Variants in NR6A1 observed in about 807,000 individuals in gnomAD.
The protein encoded by NR6A1 is retinoic acid receptor-related testis-associated receptor.
Under a neutral mutation model 59.1 loss-of-function variants are expected in NR6A1, and 7 were observed. The observed-to-expected ratio is 0.12, with a 90% CI of 0.07 to 0.22. The LOEUF (loss-of-function observed/expected upper bound fraction) is 0.22. Ranked by LOEUF, NR6A1 falls within the 10% of genes least tolerant of loss-of-function variation. The pLI, the probability that NR6A1 is intolerant of heterozygous loss-of-function variation, is 1.00. For synonymous variants in NR6A1, 243 were observed against 236.1 expected (o/e 1.03, Z -0.27); for missense variants, 468 against 611.6 (o/e 0.77, Z 2.48).
At chr9:124,642,284 G>C (rs959032201) in intron 2 of NR6A1, among the ~76,000 whole-genome samples, 1 of 152,038 alleles carries the variant, frequency 6.6e-6, no homozygotes, top group South Asian at 2.1e-4. Flanking sequence ...TCCTGACCTC[G>C]GGTGATCCGC....
At position 124,627,882 on chromosome 9, in the gene NR6A1, C is replaced by CTTT. The variant is rs59874800; in HGVS notation, c.143-73315_143-73313dup. Among the ~76,000 whole-genome samples the CTTT allele has an allele frequency of 9.3e-4, 78 of 83,780 alleles. 2 individuals carry two copies. The highest frequency in any genetic ancestry group is 6.1e-3 in the South Asian group (12 of 1,952). The allele number at this position is 83,780 out of a possible 152,430, so 55.0% of individuals were successfully genotyped here. A position where few individuals can be genotyped will look rare whatever the true frequency, so the allele number is the denominator to read the frequency against. On this transcript the variant is annotated intron_variant, in intron 2 of 9. Coordinates refer to ENST00000487099, the MANE Select transcript of NR6A1 (RefSeq NM_033334.4). The stretch of plus-strand genomic sequence containing the variant: ...GCCACCATGCCTGGTCTGAGATTTT[C>CTTT]TTTTTTTTTTTTTTTTTTTTTTTTT...
intron 1 of NR6A1, among the ~76,000 whole-genome samples, chr9:124,745,540 GC>G (rs1840304341): frequency 6.6e-6 from 1 of 151,770 alleles, no homozygotes; most frequent in Non-Finnish European, 1.5e-5. Context: ...GCATGGTGGC[GC>G]ATGCCTGTAG....
intron 5 of NR6A1, among the ~76,000 whole-genome samples, chr9:124,539,473 T>C (rs1427663847): frequency 6.6e-6 from 1 of 152,224 alleles, no homozygotes; most frequent in East Asian, 1.9e-4. Flanking sequence ...ATCCATATCC[T>C]ATAAGAAAGG....
chr9:124,696,199 C>T (rs1293053262), intron 2 of NR6A1, among the ~76,000 whole-genome samples: 2 of 152,064 alleles, frequency 1.3e-5, no homozygotes, highest in East Asian at 1.9e-4. Flanking sequence ...GTTTTAAATG[C>T]TAAACTCAGC....
intron 2 of NR6A1, among the ~76,000 whole-genome samples, chr9:124,641,480 C>G (rs1320851135): frequency 6.6e-6 from 1 of 151,914 alleles, no homozygotes; most frequent in Non-Finnish European, 1.5e-5. Context: ...GGCAGGAAGA[C>G]TGCTTGAGCT....
chr9:124,657,682 G>C (rs184089862), intron 2 of NR6A1, among the ~76,000 whole-genome samples: 1 of 152,232 alleles, frequency 6.6e-6, no homozygotes, highest in African/African-American at 2.4e-5. Context: ...GCAGACCGTG[G>C]CTGTCTTGCA....
At chr9:124,681,694 C>T (rs1272986136) in intron 2 of NR6A1, among the ~76,000 whole-genome samples, 3 of 152,152 alleles carry the variant, frequency 2.0e-5, no homozygotes, top group Non-Finnish European at 2.9e-5. Flanking sequence ...TTATCTGTCA[C>T]TGTGAGCTTC....
At chr9:124,676,049 A>T (rs770672634) in intron 2 of NR6A1, among the ~76,000 whole-genome samples, 1 of 152,204 alleles carries the variant, frequency 6.6e-6, no homozygotes, top group African/African-American at 2.4e-5. Flanking sequence ...AAATATAAAC[A>T]GGCAAGGTGT....
chr9:124,748,935 C>T (rs1362660671), intron 1 of NR6A1, among the ~76,000 whole-genome samples: 1 of 150,298 alleles, frequency 6.7e-6, no homozygotes, highest in Non-Finnish European at 1.5e-5. Flanking sequence ...GTACTCAAAA[C>T]AGTACCTAGC....
At position 124,658,931 on chromosome 9, in the gene NR6A1, GGAGA is replaced by G. The variant is rs368501917; in HGVS notation, c.142+74373_142+74376del. On this transcript the variant is annotated intron_variant, in intron 2 of 9. Transcript: ENST00000487099. ...TTTATACACATCCCATAACGCAGCT[GGAGA>G]GAGTTATGAAGTCAGTTATTATAAG... Among the ~76,000 whole-genome samples the G allele has an allele frequency of 3.9e-4, 60 of 152,210 alleles. No homozygotes were observed. In the East Asian group the frequency reaches 9.7e-3, roughly 24 times the overall value.
In NR6A1 at chr9:124,522,692, C is replaced by G. The variant is rs763732031; in HGVS notation, c.*13G>C. ...GACGCTGTGGTTGGCCTGAGGAGGGCGCCTGGAACAGGTCATTCCTTGCCC... is the reference window on the plus strand; with the variant it reads ...GACGCTGTGGTTGGCCTGAGGAGGGGGCCTGGAACAGGTCATTCCTTGCCC... On this transcript the variant is annotated 3_prime_UTR_variant, in exon 10 of 10. Coordinates refer to ENST00000487099, the MANE Select transcript of NR6A1 (RefSeq NM_033334.4). The G allele has an allele frequency of 1.5e-5, 23 of 1,559,806 alleles. No homozygotes were observed. The highest frequency in any genetic ancestry group is 1.7e-5 in the Non-Finnish European group (20 of 1,152,332).
At chr9:124,721,534 A>T (rs536837369) in intron 2 of NR6A1, among the ~76,000 whole-genome samples, 2 of 152,334 alleles carry the variant, frequency 1.3e-5, no homozygotes, top group East Asian at 3.8e-4. Flanking sequence ...AAAGGGACAT[A>T]AAGGGAGGAA....
intron 2 of NR6A1, among the ~76,000 whole-genome samples, chr9:124,565,624 T>C (rs762664854): frequency 2.6e-5 from 4 of 152,048 alleles, no homozygotes; most frequent in Admixed American, 2.0e-4. Flanking sequence ...AAAACTCCTA[T>C]ATAAGAATAA....
chr9:124,537,568 TAGGCCCGAAGGC>T (rs1833306359), intron 6 of NR6A1, among the ~76,000 whole-genome samples: 1 of 152,106 alleles, frequency 6.6e-6, no homozygotes, highest in Non-Finnish European at 1.5e-5. Context: ...CAGCAATGGG[TAGGCCCGAAGGC>T]TGAACTGTTA....
At chr9:124,618,019 C>A (rs545560337) in intron 2 of NR6A1, among the ~76,000 whole-genome samples, 1 of 152,150 alleles carries the variant, frequency 6.6e-6, no homozygotes. Flanking sequence ...ACTAAACAGG[C>A]GATGCATTAT....
Position 124,522,591 on chromosome 9 carries a change from A to T in NR6A1, c.*114T>A. 1.5e-6 allele frequency: 1 copy of T among 679,210 alleles called. No individual in the cohort carries two copies. The highest frequency in any genetic ancestry group is 2.5e-6 in the Non-Finnish European group (1 of 406,558). 42.1% of individuals were successfully genotyped at this position (679,210 alleles called of 1,614,324 possible). A position where few individuals can be genotyped will look rare whatever the true frequency, so the allele number is the denominator to read the frequency against. Reference sequence around the variant, plus strand: ...CAAAAACTCTTCTTGCTATGGAGGCAACGGGAAATGCTGCTCCACAGCCTC... The same window carrying T: ...CAAAAACTCTTCTTGCTATGGAGGCTACGGGAAATGCTGCTCCACAGCCTC... On this transcript the variant is annotated 3_prime_UTR_variant, in exon 10 of 10. Transcript: ENST00000487099.
At chr9:124,706,518 A>G (rs1416296105) in intron 2 of NR6A1, among the ~76,000 whole-genome samples, 2 of 150,938 alleles carry the variant, frequency 1.3e-5, no homozygotes, top group Non-Finnish European at 3.0e-5. Flanking sequence ...AACATTTAAC[A>G]ATTTTTTTTT....
Position 124,535,891 on chromosome 9 carries a change from C to T in NR6A1, c.1066G>A (p.Glu356Lys), listed in dbSNP as rs1397472269. The T allele has an allele frequency of 6.2e-7, 1 of 1,614,136 alleles. No homozygotes were observed. The highest frequency in any genetic ancestry group is 1.7e-5 in the Admixed American group (1 of 60,022). Residue 356 changes from glutamate to lysine, a missense_variant, in exon 7 of 10, where the codon GAA (glutamate) becomes AAA (lysine). Coordinates refer to ENST00000487099, the MANE Select transcript of NR6A1 (RefSeq NM_033334.4). ...DVTAKYSPSDEELHRFSDEGM... is the reference protein window; with the variant it reads ...DVTAKYSPSDKELHRFSDEGM... ...AGGAGGCCTCACCTGTGTAGTTCTT[C>T]ATCGGAGGGCGAGTACTTGGCAGTG...
chr9:124,715,060 T>A (rs547421760), intron 2 of NR6A1, among the ~76,000 whole-genome samples: 1 of 152,216 alleles, frequency 6.6e-6, no homozygotes, highest in African/African-American at 2.4e-5. Flanking sequence ...TAGCTTGGCA[T>A]GGTGGTGCAC....
Sources: allele counts gnomAD v4.1 joint callset (sites outside exome capture counted in the v4.1 genomes callset), GRCh38; gene constraint gnomAD v4.1.1; transcripts MANE v1.5; gene names NCBI Gene and HGNC (gene_info 2026-07-23, HGNC 2026-07-21).